Variants in ATG7 observed in about 807,000 individuals in gnomAD.
ATG7 encodes ubiquitin-like modifier-activating enzyme ATG7.
A neutral mutation model predicts 82.4 loss-of-function variants in ATG7; 70 were observed. That is an observed-to-expected ratio of 0.85 (90% CI 0.70 to 1.04). ATG7 has a LOEUF of 1.04. Ranked by LOEUF, ATG7 falls within the 50% of genes least tolerant of loss-of-function variation. The probability of loss-of-function intolerance (pLI) is 0.00; values close to 1 mark genes in which losing one functional copy is unlikely to be tolerated. For missense variants in ATG7, 792 were observed against 864.3 expected (o/e 0.92, Z 1.05); for synonymous variants, 287 against 313.0 (o/e 0.92, Z 0.88).
chr3:11,419,898 C>T (rs1352550199), intron 19 of ATG7, among the ~76,000 whole-genome samples: 1 of 152,180 alleles, frequency 6.6e-6, no homozygotes, highest in East Asian at 1.9e-4. Context: ...GATCTTTCTA[C>T]TAAAAGAGTC....
intron 9 of ATG7, among the ~76,000 whole-genome samples, chr3:11,321,457 A>G (rs1197349817): frequency 6.6e-6 from 1 of 152,138 alleles, no homozygotes; most frequent in Admixed American, 6.5e-5. Flanking sequence ...CATACATGTT[A>G]TCACTTATCC....
chr3:11,369,171 G>A (rs1007061872), intron 18 of ATG7, among the ~76,000 whole-genome samples: 1 of 150,866 alleles, frequency 6.6e-6, no homozygotes, highest in Admixed American at 6.6e-5. Context: ...TCTCTTTACT[G>A]TGTTCAGAAA....
chr3:11,409,163 CCTACCAG>C (rs1312162283), intron 19 of ATG7, among the ~76,000 whole-genome samples: 2 of 152,176 alleles, frequency 1.3e-5, no homozygotes, highest in African/African-American at 4.8e-5. Flanking sequence ...TAAAGTCTAG[CCTACCAG>C]TTACAGATGG....
At chr3:11,333,842 G>A (rs1471840786) in intron 11 of ATG7, among the ~76,000 whole-genome samples, 1 of 151,502 alleles carries the variant, frequency 6.6e-6, no homozygotes, top group Admixed American at 6.6e-5. Flanking sequence ...CCGCCTCCCG[G>A]GTTCATGCCA....
chr3:11,431,268 G>T (rs1010685205), intron 20 of ATG7, among the ~76,000 whole-genome samples: 4 of 152,184 alleles, frequency 2.6e-5, no homozygotes, highest in Non-Finnish European at 5.9e-5. Context: ...GGGTGTGGTG[G>T]CATGTGCCTG....
intron 20 of ATG7, among the ~76,000 whole-genome samples, chr3:11,505,132 C>G (rs757469771): frequency 3.9e-5 from 6 of 152,162 alleles, no homozygotes; most frequent in Admixed American, 6.5e-5. Context: ...CATAACAAGC[C>G]TTGGAATTAT....
intron 19 of ATG7, among the ~76,000 whole-genome samples, chr3:11,394,148 CCT>C (rs1472185182): frequency 1.3e-5 from 2 of 152,106 alleles, no homozygotes; most frequent in African/African-American, 4.8e-5. Flanking sequence ...CTTTATAGTT[CCT>C]CTGTACTATA....
intron 20 of ATG7, among the ~76,000 whole-genome samples, chr3:11,466,640 T>G (rs887770349): frequency 1.3e-5 from 2 of 152,226 alleles, no homozygotes; most frequent in Non-Finnish European, 2.9e-5. Flanking sequence ...TCTGTAAGCC[T>G]TTGTGCTCTT....
intron 1 of ATG7, among the ~76,000 whole-genome samples, chr3:11,278,206 C>A (rs544430275): frequency 6.6e-6 from 1 of 152,232 alleles, no homozygotes; most frequent in Admixed American, 6.5e-5. Flanking sequence ...GACTTACATT[C>A]TCAGCTTACA....
chr3:11,567,380 GT>G, the ATG7 span, among the ~76,000 whole-genome samples: 1 of 152,134 alleles, frequency 6.6e-6, no homozygotes, highest in Non-Finnish European at 1.5e-5. Flanking sequence ...CGTTTATGGG[GT>G]TTTTTTCTTC....
chr3:11,559,427 G>A (rs369969148), downstream of ATG7: 86 of 1,566,910 alleles, frequency 5.5e-5, 1 homozygote, highest in South Asian at 5.3e-4. Context: ...GGCGCCAGCC[G>A]AGGCACAGGT....
At chr3:11,441,364 C>T (rs1411987340) in intron 20 of ATG7, among the ~76,000 whole-genome samples, 2 of 151,440 alleles carry the variant, frequency 1.3e-5, no homozygotes, top group East Asian at 3.9e-4. Context: ...ACCTCAACCT[C>T]CCGAATAGCT....
intron 3 of ATG7, among the ~76,000 whole-genome samples, chr3:11,296,069 C>T (rs558019345): frequency 5.9e-5 from 9 of 152,178 alleles, no homozygotes; most frequent in Admixed American, 3.3e-4. Flanking sequence ...TGAGCCACCG[C>T]GCCTGGCCTA....
intron 20 of ATG7, among the ~76,000 whole-genome samples, chr3:11,547,515 A>G (rs2437686): frequency 0.23 from 34,705 of 152,060 alleles, 4,386 homozygotes; most frequent in African/African-American, 0.31. Flanking sequence ...ACACGTTGTC[A>G]TTTCTCTTGG....
chr3:11,471,893 A>C (rs1340431820), intron 20 of ATG7, among the ~76,000 whole-genome samples: 2 of 151,802 alleles, frequency 1.3e-5, no homozygotes. Context: ...GTGTGTCACC[A>C]TGCACAGCTA....
chr3:11,510,185 G>C (rs898778594), intron 20 of ATG7: 7 of 456,330 alleles, frequency 1.5e-5, no homozygotes, highest in Non-Finnish European at 2.6e-5. Context: ...CCCCTTTCAG[G>C]ATCATCTTTC....
intron 20 of ATG7, among the ~76,000 whole-genome samples, chr3:11,518,300 A>G (rs1228917769): frequency 6.6e-6 from 1 of 152,208 alleles, no homozygotes; most frequent in Non-Finnish European, 1.5e-5. Context: ...TAATCCCAGG[A>G]CTTTGGGAGG....
chr3:11,358,019 A>AAAAAG (rs1553626484), intron 14 of ATG7, among the ~76,000 whole-genome samples: 8 of 151,074 alleles, frequency 5.3e-5, no homozygotes, highest in African/African-American at 2.0e-4. Context: ...AAAAAAAAAA[A>AAAAAG]AAAAGAAAAG....
At chr3:11,348,958 C>A (rs1262535859) in intron 14 of ATG7, among the ~76,000 whole-genome samples, 2 of 142,108 alleles carry the variant, frequency 1.4e-5, no homozygotes, top group African/African-American at 2.7e-5. Context: ...TACAATCCTC[C>A]AGCTAGACAC....
Sources: gnomAD v4.1 joint callset for allele counts (sites outside exome capture counted in the v4.1 genomes callset) on GRCh38, gnomAD v4.1.1 for gene constraint, MANE v1.5 for transcripts, NCBI Gene and HGNC (gene_info 2026-07-23, HGNC 2026-07-21) for gene names.